SLC9C2: variants seen among roughly 807,000 people sequenced by gnomAD.
SLC9C2 encodes sodium/hydrogen exchanger 11.
In SLC9C2, 75 loss-of-function variants were observed where a neutral mutation model predicts 140.2. The ratio of observed to expected loss-of-function variants is 0.53; its 90% confidence interval spans 0.44 to 0.65. The LOEUF is 0.65. Ranked by LOEUF, SLC9C2 falls within the 30% of genes least tolerant of loss-of-function variation. SLC9C2 has a pLI of 0.00. For synonymous variants in SLC9C2, 375 were observed against 420.9 expected (o/e 0.89, Z 1.34); for missense variants, 1,074 against 1,331.8 (o/e 0.81, Z 3.01).
chr1:173,502,028 C>T (rs552099025), intron 27 of SLC9C2, among the ~76,000 whole-genome samples: 1 of 152,186 alleles, frequency 6.6e-6, no homozygotes, highest in East Asian at 1.9e-4. Flanking sequence ...AATCCCAGCA[C>T]TTTGGGAGGC....
At chr1:173,558,012 C>T (rs1663826845) in intron 9 of SLC9C2, among the ~76,000 whole-genome samples, 1 of 152,148 alleles carries the variant, frequency 6.6e-6, no homozygotes, top group African/African-American at 2.4e-5. Flanking sequence ...TTAATTTGTG[C>T]CTTCTTGCCC....
chr1:173,580,404 T>C (rs1665455164), intron 7 of SLC9C2, among the ~76,000 whole-genome samples: 1 of 151,920 alleles, frequency 6.6e-6, no homozygotes, highest in South Asian at 2.1e-4. Context: ...CAGGCTGAAG[T>C]GCAATGGCAT....
chr1:173,528,698 C>T (rs114104510), intron 18 of SLC9C2, among the ~76,000 whole-genome samples: 2,238 of 152,290 alleles, frequency 0.015, 66 homozygotes, highest in African/African-American at 0.051. Flanking sequence ...GACATAACCT[C>T]TAGGCCATCC....
At chr1:173,569,985 T>G in intron 9 of SLC9C2, among the ~76,000 whole-genome samples, 1 of 152,050 alleles carries the variant, frequency 6.6e-6, no homozygotes, top group South Asian at 2.1e-4. Flanking sequence ...CCACCACCCA[T>G]GTTCACTTAA....
chr1:173,513,601 CA>C (rs1660201753), intron 23 of SLC9C2, among the ~76,000 whole-genome samples: 1 of 152,036 alleles, frequency 6.6e-6, no homozygotes, highest in South Asian at 2.1e-4. Flanking sequence ...TCAAAAAAAT[CA>C]GCTCCCGGAT....
chr1:173,548,565 C>G lies in SLC9C2; in HGVS notation c.1298-13G>C. ...AGAACACACAAATCTGTGACAAAGA[C>G]AAAAGCAAAGGCCTTAATAGAGTAC... On this transcript the variant is annotated splice_polypyrimidine_tract_variant and intron_variant, in intron 11 of 27. Transcript: ENST00000367714. The G allele has an allele frequency of 6.2e-7, 1 of 1,613,046 alleles. No homozygotes were observed.
intron 19 of SLC9C2, among the ~76,000 whole-genome samples, chr1:173,525,665 A>G (rs1045219998): frequency 6.6e-6 from 1 of 152,256 alleles, no homozygotes; most frequent in African/African-American, 2.4e-5. Flanking sequence ...TAATGTACAT[A>G]AAGAGTTAGC....
chr1:173,599,876 TAAC>T (rs1666680849), intron 3 of SLC9C2, among the ~76,000 whole-genome samples: 1 of 152,176 alleles, frequency 6.6e-6, no homozygotes, highest in Non-Finnish European at 1.5e-5. Context: ...AGTGCTGGGA[TAAC>T]AACCGTCAGC....
intron 18 of SLC9C2, among the ~76,000 whole-genome samples, chr1:173,529,544 TAA>T (rs754809145): frequency 2.6e-4 from 39 of 151,698 alleles, no homozygotes; most frequent in Non-Finnish European, 5.4e-4. Context: ...CCTCTTCACT[TAA>T]GACTTACCCT....
At chr1:173,599,016 A>G (rs778023341) in intron 3 of SLC9C2, among the ~76,000 whole-genome samples, 3 of 152,246 alleles carry the variant, frequency 2.0e-5, no homozygotes, top group Non-Finnish European at 4.4e-5. Flanking sequence ...TATCTATGGT[A>G]TATATTATAT....
intron 22 of SLC9C2, among the ~76,000 whole-genome samples, chr1:173,519,029 A>C (rs910262994): frequency 6.6e-6 from 1 of 152,116 alleles, no homozygotes; most frequent in Non-Finnish European, 1.5e-5. Flanking sequence ...TTTGGAGTTA[A>C]GGCTACTAAT....
chr1:173,570,128 C>G (rs1337102554), intron 9 of SLC9C2, among the ~76,000 whole-genome samples: 1 of 152,168 alleles, frequency 6.6e-6, no homozygotes, highest in Non-Finnish European at 1.5e-5. Flanking sequence ...ACCCCAAAAG[C>G]CTACTTGGTG....
intron 9 of SLC9C2, among the ~76,000 whole-genome samples, chr1:173,566,732 C>T (rs1168810457): frequency 6.7e-6 from 1 of 148,552 alleles, no homozygotes; most frequent in East Asian, 1.9e-4. Context: ...GTTTGGTTTG[C>T]TCTTCCTTTT....
chr1:173,557,853 C>T (rs1663817290), intron 9 of SLC9C2, among the ~76,000 whole-genome samples: 1 of 152,116 alleles, frequency 6.6e-6, no homozygotes, highest in African/African-American at 2.4e-5. Flanking sequence ...AAAAGCCATA[C>T]ATGACTGGAT....
At chr1:173,546,328 T>C (rs2102049992) in intron 13 of SLC9C2, among the ~76,000 whole-genome samples, 1 of 152,310 alleles carries the variant, frequency 6.6e-6, no homozygotes, top group Non-Finnish European at 1.5e-5. Flanking sequence ...AGGCCAGAAG[T>C]TTGAGACCAA....
intron 11 of SLC9C2, among the ~76,000 whole-genome samples, chr1:173,550,195 A>T (rs1571536480): frequency 1.3e-5 from 2 of 152,264 alleles, no homozygotes; most frequent in South Asian, 4.1e-4. Flanking sequence ...TGAGCCCAGG[A>T]ATTCAAGACC....
intron 9 of SLC9C2, among the ~76,000 whole-genome samples, chr1:173,567,823 G>C (rs1219494790): frequency 6.6e-6 from 1 of 151,928 alleles, no homozygotes; most frequent in African/African-American, 2.4e-5. Context: ...TTGTGTATCT[G>C]TTGTATTTTT....
At chr1:173,543,708 A>G (rs899293077) in intron 13 of SLC9C2, among the ~76,000 whole-genome samples, 31 of 152,214 alleles carry the variant, frequency 2.0e-4, no homozygotes, top group African/African-American at 7.2e-4. Context: ...CCACACATCT[A>G]CAACCATCTG....
chr1:173,521,475 T>TTATATATATATA, intron 21 of SLC9C2, 76 bp from the exon 22 acceptor site: 2 of 260,886 alleles, frequency 7.7e-6, no homozygotes, highest in Non-Finnish European at 1.2e-5. Context: ...TCTAAATATT[T>TTATATATATATA]TCTATATATA....
Sources: allele counts gnomAD v4.1 joint callset (sites outside exome capture counted in the v4.1 genomes callset), GRCh38; gene constraint gnomAD v4.1.1; transcripts MANE v1.5; gene names NCBI Gene and HGNC (gene_info 2026-07-23, HGNC 2026-07-21).